AP3B1: variants seen among roughly 807,000 people sequenced by gnomAD.
AP3B1 encodes AP-3 complex subunit beta-1.
In AP3B1, 61 loss-of-function variants were observed where a neutral mutation model predicts 132.5. That is an observed-to-expected ratio of 0.46 (90% CI 0.37 to 0.57). The LOEUF (loss-of-function observed/expected upper bound fraction) is 0.57, where lower values mean the gene tolerates loss of function less well. Among genes scored for constraint, AP3B1 ranks in the 20% least tolerant of loss-of-function variants. The probability of loss-of-function intolerance (pLI) is 0.00; values close to 1 mark genes in which losing one functional copy is unlikely to be tolerated. For missense variants in AP3B1, 1,120 were observed against 1,289.4 expected (o/e 0.87, Z 2.01); for synonymous variants, 388 against 438.3 (o/e 0.89, Z 1.43).
chr5:78,150,104 T>C (rs906510822), intron 14 of AP3B1, among the ~76,000 whole-genome samples: 1 of 152,112 alleles, frequency 6.6e-6, no homozygotes, highest in African/African-American at 2.4e-5. Context: ...CTGAAGAGAA[T>C]GAGAATACAG....
intron 22 of AP3B1, among the ~76,000 whole-genome samples, chr5:78,072,745 G>GA (rs1361377896): frequency 1.2e-5 from 1 of 85,392 alleles, no homozygotes; most frequent in Non-Finnish European, 2.1e-5. Flanking sequence ...TTTTTGAGAT[G>GA]GAGTCCCACT....
chr5:78,201,449 T>A (rs1022764678), intron 7 of AP3B1, among the ~76,000 whole-genome samples: 8 of 152,224 alleles, frequency 5.3e-5, no homozygotes, highest in African/African-American at 1.9e-4. Flanking sequence ...TACAATAGAC[T>A]ATTATTCAGC....
At chr5:78,035,255 G>A (rs1036546815) in intron 23 of AP3B1, among the ~76,000 whole-genome samples, 1 of 151,646 alleles carries the variant, frequency 6.6e-6, no homozygotes, top group African/African-American at 2.4e-5. Context: ...TAATTGAGGG[G>A]ATCTTAAATA....
intron 2 of AP3B1, among the ~76,000 whole-genome samples, chr5:78,258,799 C>T (rs1364539186): frequency 6.6e-6 from 1 of 152,178 alleles, no homozygotes; most frequent in Non-Finnish European, 1.5e-5. Context: ...CCTAAGTGTC[C>T]ACCAACAGAC....
intron 17 of AP3B1, among the ~76,000 whole-genome samples, chr5:78,121,174 T>C (rs900273211): frequency 3.3e-5 from 5 of 151,818 alleles, no homozygotes; most frequent in African/African-American, 4.8e-5. Context: ...TACCAGAATC[T>C]CTGGGACACA....
chr5:78,216,236 A>C lies in AP3B1; in HGVS notation c.605T>G (p.Leu202Trp). 6.2e-7 allele frequency: 1 copy of C among 1,613,706 alleles called. No individual in the cohort carries two copies. Among genetic ancestry groups the C allele is most frequent in the Non-Finnish European group, 8.5e-7 (1 of 1,179,790 alleles). Residue 202 changes from leucine (L) to tryptophan (W), a missense_variant and splice_region_variant, in exon 7 of 27, where the codon TTG becomes TGG. Physicochemically the swap from Leu to Trp is moderately conservative, Grantham distance 61 (BLOSUM62 -2). This residue lies in a region of AP3B1 where 129 missense variants were observed against 212.4 expected (regional missense o/e 0.61). Transcript: ENST00000255194. ...IEKLLKDKST[L>W]VAGSVVMAFE... ...AGCCATCACAACACTGCCAGCTACC[A>C]ACTAGAAAAGAAAGAAATAGTAACT...
intron 22 of AP3B1, among the ~76,000 whole-genome samples, chr5:78,088,107 G>C (rs1750343922): frequency 6.6e-6 from 1 of 152,090 alleles, no homozygotes; most frequent in African/African-American, 2.4e-5. Flanking sequence ...AAGGTTTTAG[G>C]GACCTCCTGT....
chr5:78,244,745 C>A (rs1747300938), intron 2 of AP3B1, among the ~76,000 whole-genome samples: 1 of 152,058 alleles, frequency 6.6e-6, no homozygotes, highest in Non-Finnish European at 1.5e-5. Context: ...GCCTGTCATC[C>A]CAGCACTTTG....
intron 14 of AP3B1, among the ~76,000 whole-genome samples, chr5:78,148,380 A>G (rs1753504572): frequency 6.6e-6 from 1 of 152,196 alleles, no homozygotes; most frequent in Non-Finnish European, 1.5e-5. Context: ...TTACCTGTAA[A>G]CAAGGTATTA....
Position 78,127,856 on chromosome 5 carries a change from G to A in AP3B1, c.1968+174C>T, listed in dbSNP as rs145217226. ...GAACAGTACATGTACAATGGCATAG[G>A]AATACTATAATATTTAGTTGCTATA... On this transcript the variant is annotated intron_variant, in intron 17 of 26. Transcript: ENST00000255194. Among the ~76,000 whole-genome samples, 452 of 152,186 alleles carry A rather than the reference G, an allele frequency of 3.0e-3. 2 individuals are homozygous for A. The highest frequency in any genetic ancestry group is 5.5e-3 in the Non-Finnish European group (373 of 67,956).
intron 22 of AP3B1, chr5:78,087,723 C>T (rs745885483): frequency 2.0e-6 from 2 of 982,568 alleles, no homozygotes; most frequent in African/African-American, 1.7e-5. Flanking sequence ...GTGAGTCTGT[C>T]AATTACTTTG....
At chr5:78,207,641 A>T (rs777838716) in intron 7 of AP3B1, among the ~76,000 whole-genome samples, 2 of 152,174 alleles carry the variant, frequency 1.3e-5, no homozygotes, top group Non-Finnish European at 2.9e-5. Context: ...GATCATATGG[A>T]ATAACTCACG....
At chr5:78,039,352 G>A in intron 22 of AP3B1, 78 bp from the exon 23 acceptor site, 1 of 1,174,134 alleles carries the variant, frequency 8.5e-7, no homozygotes, top group East Asian at 2.5e-5. Context: ...AAACATTTAT[G>A]ACATTTAATT....
chr5:78,247,976 T>C (rs1297889841), intron 2 of AP3B1, among the ~76,000 whole-genome samples: 2 of 152,224 alleles, frequency 1.3e-5, no homozygotes, highest in Non-Finnish European at 2.9e-5. Context: ...TTTCTGCCTA[T>C]ATCTTTTTAT....
intron 26 of AP3B1, among the ~76,000 whole-genome samples, chr5:78,013,205 G>A (rs1305130185): frequency 5.9e-5 from 9 of 151,786 alleles, no homozygotes; most frequent in African/African-American, 1.9e-4. Context: ...CCACCATGCC[G>A]GATTTAATTT....
chr5:78,188,219 A>G (rs1307541098), intron 7 of AP3B1, among the ~76,000 whole-genome samples: 1 of 152,198 alleles, frequency 6.6e-6, no homozygotes, highest in East Asian at 1.9e-4. Context: ...CAACAAAAGC[A>G]AAAATTGACA....
intron 3 of AP3B1, among the ~76,000 whole-genome samples, chr5:78,236,238 C>T (rs1379650390): frequency 6.6e-6 from 1 of 151,966 alleles, no homozygotes; most frequent in Non-Finnish European, 1.5e-5. Flanking sequence ...TCTGAAGGAA[C>T]AATAATTGGT....
intron 2 of AP3B1, among the ~76,000 whole-genome samples, chr5:78,255,974 A>G (rs565916245): frequency 6.4e-4 from 98 of 152,244 alleles, no homozygotes; most frequent in African/African-American, 2.3e-3. Context: ...ATTAAACAAT[A>G]TGCTCCTGAA....
intron 20 of AP3B1, among the ~76,000 whole-genome samples, chr5:78,107,179 A>C (rs772002204): frequency 4.6e-5 from 7 of 152,188 alleles, no homozygotes; most frequent in Non-Finnish European, 1.0e-4. Context: ...AACCAAAAGA[A>C]TGAAAGGTCA....
Sources: allele counts gnomAD v4.1 joint callset (sites outside exome capture counted in the v4.1 genomes callset), GRCh38; gene constraint gnomAD v4.1.1; regional missense constraint gnomAD v4.1.1; transcripts MANE v1.5; gene names NCBI Gene and HGNC (gene_info 2026-07-23, HGNC 2026-07-21).